The following MS4A5 variants were observed in gnomAD, a reference collection of about 807,000 sequenced individuals.
The protein encoded by MS4A5 is membrane spanning 4-domains A5.
Under a neutral mutation model 18.2 loss-of-function variants are expected in MS4A5, and 15 were observed. The ratio of observed to expected loss-of-function variants is 0.83; its 90% CI spans 0.55 to 1.27. MS4A5 has a LOEUF of 1.27. Among genes scored for constraint, MS4A5 ranks in the 50% most tolerant of loss-of-function variants. The pLI is 0.00. For synonymous variants in MS4A5, 89 were observed against 78.7 expected (o/e 1.13, Z -0.69); for missense variants, 232 against 225.7 (o/e 1.03, Z -0.18).
intron 4 of MS4A5, among the ~76,000 whole-genome samples, chr11:60,441,456 T>TA (rs201729443): frequency 0.58 from 61,050 of 105,612 alleles, 18,119 homozygotes; most frequent in Non-Finnish European, 0.65. Flanking sequence ...AAAAGGCCAT[T>TA]AAAAAAAAAA....
chr11:60,445,508 C>T (rs2086134034), intron 4 of MS4A5, among the ~76,000 whole-genome samples: 1 of 152,140 alleles, frequency 6.6e-6, no homozygotes, highest in African/African-American at 2.4e-5. Context: ...AATCCACCAG[C>T]CTCGGCCTCC....
chr11:60,432,326 A>C, intron 2 of MS4A5, 85 bp from the exon 3 acceptor site: 2 of 838,586 alleles, frequency 2.4e-6, no homozygotes. Flanking sequence ...GCGGGCCTGT[A>C]AAAGAAATGC....
chr11:60,435,873 C>G (rs963187661), intron 4 of MS4A5, among the ~76,000 whole-genome samples: 3 of 152,200 alleles, frequency 2.0e-5, no homozygotes, highest in African/African-American at 7.2e-5. Context: ...CCGCCATTGC[C>G]CAGGCTTGCT....
Position 60,433,802 on chromosome 11 carries a change from TG to T in MS4A5, c.380del (p.Gly127GlufsTer3). The T allele has an allele frequency of 6.2e-7, 1 of 1,614,006 alleles. No homozygotes were observed. The highest frequency in any genetic ancestry group is 8.5e-7 in the Non-Finnish European group (1 of 1,179,836). Reference sequence around the variant, plus strand: ...CGAATAATGAATTTTCTTAGTGCCCTGGGAGCAATAGCTGGAATCATTCTCC... The same window carrying T: ...CGAATAATGAATTTTCTTAGTGCCCTGGAGCAATAGCTGGAATCATTCTCC... ...LSRIMNFLSALGAIAGIILLT... is the reference protein window; with the variant it reads ...LSRIMNFLSAXGAIAGIILLT... On this transcript the variant is annotated frameshift_variant, in exon 4 of 5. Coordinates refer to ENST00000300190, the MANE Select transcript of MS4A5 (RefSeq NM_023945.3). LOFTEE classifies it high-confidence loss of function.
intron 4 of MS4A5, among the ~76,000 whole-genome samples, chr11:60,435,720 C>T (rs1363942634): frequency 4.6e-5 from 7 of 152,116 alleles, no homozygotes; most frequent in Middle Eastern, 6.3e-3. Context: ...TGCGCTTTTC[C>T]GACGGGCTTA....
chr11:60,430,480 C>T (rs970604902), intron 1 of MS4A5, among the ~76,000 whole-genome samples: 48 of 152,168 alleles, frequency 3.2e-4, no homozygotes, highest in African/African-American at 1.1e-3. Flanking sequence ...GTTTCCCAGC[C>T]TCACCTGGAG....
chr11:60,432,037 A>G (rs1419388967), intron 2 of MS4A5, among the ~76,000 whole-genome samples: 1 of 152,198 alleles, frequency 6.6e-6, no homozygotes, highest in African/African-American at 2.4e-5. Flanking sequence ...CCAAGAGAAC[A>G]CACTGGATTG....
At chr11:60,431,257 C>G (rs2086047128) in intron 2 of MS4A5, among the ~76,000 whole-genome samples, 1 of 152,168 alleles carries the variant, frequency 6.6e-6, no homozygotes, top group African/African-American at 2.4e-5. Context: ...AGCAAGAAAA[C>G]ATGTAAACAG....
At chr11:60,436,665 G>C (rs2086082381) in intron 4 of MS4A5, among the ~76,000 whole-genome samples, 1 of 134,114 alleles carries the variant, frequency 7.5e-6, no homozygotes, top group South Asian at 2.4e-4. Flanking sequence ...TGGAAGAAAG[G>C]GTATCAGCGA....
chr11:60,433,733 A>G, intron 3 of MS4A5, 32 bp from the exon 4 acceptor site: 1 of 1,607,284 alleles, frequency 6.2e-7, no homozygotes, highest in East Asian at 2.2e-5. Context: ...GCTGGACCTC[A>G]GTCACATTGT....
chr11:60,437,012 C>G (rs1326423172), intron 4 of MS4A5, among the ~76,000 whole-genome samples: 1 of 135,896 alleles, frequency 7.4e-6, no homozygotes, highest in African/African-American at 2.6e-5. Flanking sequence ...ATGTTAAGGG[C>G]AGCCAGAGAG....
At chr11:60,432,144 T>A (rs756347703) in intron 2 of MS4A5, among the ~76,000 whole-genome samples, 7 of 152,074 alleles carry the variant, frequency 4.6e-5, no homozygotes, top group Non-Finnish European at 8.8e-5. Flanking sequence ...AAAAAGAACA[T>A]GGATGAGTAA....
chr11:60,445,198 C>T (rs972142508), intron 4 of MS4A5, among the ~76,000 whole-genome samples: 3 of 151,898 alleles, frequency 2.0e-5, no homozygotes, highest in Non-Finnish European at 2.9e-5. Context: ...CACAAGAGAA[C>T]CTACTGGGGT....
chr11:60,437,929 G>A (rs922148064), intron 4 of MS4A5, among the ~76,000 whole-genome samples: 1 of 151,974 alleles, frequency 6.6e-6, no homozygotes, highest in Non-Finnish European at 1.5e-5. Flanking sequence ...AGACCTAATA[G>A]ACATCTACAG....
chr11:60,436,323 GA>G (rs1162892929), intron 4 of MS4A5, among the ~76,000 whole-genome samples: 2 of 141,028 alleles, frequency 1.4e-5, no homozygotes, highest in East Asian at 4.1e-4. Context: ...CAAAGATGGG[GA>G]AAAAACAGAA....
intron 3 of MS4A5, among the ~76,000 whole-genome samples, chr11:60,432,907 TATC>T (rs1565186536): frequency 6.6e-6 from 1 of 152,310 alleles, no homozygotes; most frequent in Admixed American, 6.5e-5. Context: ...TTCCACAAAC[TATC>T]AAGTATTAAT....
chr11:60,447,548 G>A (rs2086147926), intron 4 of MS4A5, 101 bp from the exon 5 acceptor site: 1 of 645,436 alleles, frequency 1.5e-6, no homozygotes, highest in Non-Finnish European at 2.6e-6. Context: ...ATTTGGGGAA[G>A]CTTTTATTAT....
intron 4 of MS4A5, among the ~76,000 whole-genome samples, chr11:60,436,267 CCATCTGTA>C (rs1464684127): frequency 6.7e-6 from 1 of 148,210 alleles, no homozygotes; most frequent in Non-Finnish European, 1.5e-5. Context: ...CACCAAAAAC[CCATCTGTA>C]CATCACCATC....
At chr11:60,446,106 A>T (rs1045941850) in intron 4 of MS4A5, among the ~76,000 whole-genome samples, 2 of 152,328 alleles carry the variant, frequency 1.3e-5, no homozygotes, top group Middle Eastern at 3.4e-3. Context: ...AAACACAGAA[A>T]AAAAGAGGAA....
Sources: allele counts gnomAD v4.1 joint callset (sites outside exome capture counted in the v4.1 genomes callset), GRCh38; gene constraint gnomAD v4.1.1; transcripts MANE v1.5; gene names NCBI Gene and HGNC (gene_info 2026-07-23, HGNC 2026-07-21).